The following NRXN3 variants were observed in gnomAD, a reference collection of about 807,000 sequenced individuals.
NRXN3 encodes the protein neurexin 3.
A neutral mutation model predicts 137.6 loss-of-function variants in NRXN3; 32 were observed. The ratio of observed to expected loss-of-function variants is 0.23; its 90% confidence interval spans 0.18 to 0.31. The LOEUF is 0.31. NRXN3 is among the 10% of genes least tolerant of loss of function. NRXN3 has a pLI of 1.00. For missense variants in NRXN3, 1,574 were observed against 2,062.5 expected, an observed-to-expected ratio of 0.76 and a Z score of 4.59; for synonymous variants, 798 against 784.5, an observed-to-expected ratio of 1.02 and a Z score of -0.29.
chr14:78,555,760 A>G (rs2096731589), intron 4 of NRXN3, among the ~76,000 whole-genome samples: 1 of 152,250 alleles, frequency 6.6e-6, no homozygotes, highest in Non-Finnish European at 1.5e-5. Context: ...TGGCAGTGGA[A>G]TATTATTGAT....
chr14:79,794,009 C>T (rs950438837), intron 19 of NRXN3, among the ~76,000 whole-genome samples: 5 of 152,150 alleles, frequency 3.3e-5, no homozygotes, highest in African/African-American at 9.7e-5. Flanking sequence ...TTCAGCCTAC[C>T]GATGCATCAG....
In NRXN3 at chr14:79,651,730, G is replaced by C. The variant is rs537262974; in HGVS notation, c.3445-12048G>C. ...CCTGTGCACACTGGCCAGGAAAGCTGGACCTTCTGCAGAGAAAACTGTCTT... is the reference window on the plus strand; with the variant it reads ...CCTGTGCACACTGGCCAGGAAAGCTCGACCTTCTGCAGAGAAAACTGTCTT... On this transcript the variant is annotated intron_variant, in intron 16 of 20. Coordinates refer to ENST00000335750, the MANE Select transcript of NRXN3 (RefSeq NM_001330195.2). Among the ~76,000 whole-genome samples the C allele has an allele frequency of 1.9e-4, 29 of 152,272 alleles. 1 individual carries two copies. In the South Asian group the frequency reaches 6.0e-3, roughly 32 times the overall value.
At chr14:79,257,435 GGTGGTGGTA>G (rs1568818147) in intron 15 of NRXN3, among the ~76,000 whole-genome samples, 7 of 78,120 alleles carry the variant, frequency 9.0e-5, no homozygotes, top group South Asian at 5.0e-4. Context: ...TGGTGGTGGT[GGTGGTGGTA>G]GTGATGGTGG....
At chr14:79,347,914 G>T (rs1294343982) in intron 15 of NRXN3, among the ~76,000 whole-genome samples, 4 of 152,178 alleles carry the variant, frequency 2.6e-5, no homozygotes, top group Non-Finnish European at 4.4e-5. Flanking sequence ...AGAGCGAAGT[G>T]ACGATGACAT....
At chr14:78,771,225 C>T (rs1252182353) in intron 8 of NRXN3, among the ~76,000 whole-genome samples, 1 of 152,152 alleles carries the variant, frequency 6.6e-6, no homozygotes, top group East Asian at 1.9e-4. Flanking sequence ...TGTGAGACAG[C>T]TATTGGGAGG....
chr14:78,218,060 T>A (rs561639431), intron 1 of NRXN3, among the ~76,000 whole-genome samples: 69 of 152,388 alleles, frequency 4.5e-4, no homozygotes, highest in African/African-American at 1.5e-3. Flanking sequence ...TCCATGTTCA[T>A]ATATGTATGT....
intron 16 of NRXN3, among the ~76,000 whole-genome samples, chr14:79,565,275 G>GCACACATGTGTA (rs1567519907): frequency 3.3e-5 from 3 of 89,764 alleles, no homozygotes; most frequent in Non-Finnish European, 6.7e-5. Context: ...ATGTGTGTGT[G>GCACACATGTGTA]TATACATATA....
chr14:79,638,710 A>G (rs2098417987), intron 16 of NRXN3, among the ~76,000 whole-genome samples: 1 of 152,180 alleles, frequency 6.6e-6, no homozygotes, highest in African/African-American at 2.4e-5. Flanking sequence ...TCTTAAAATC[A>G]CTGTTGTGCA....
chr14:79,174,452 T>A (rs1394979102), intron 15 of NRXN3, among the ~76,000 whole-genome samples: 7 of 150,532 alleles, frequency 4.7e-5, no homozygotes, highest in East Asian at 2.0e-4. Flanking sequence ...TTGTTACAGC[T>A]TTTTTTTAAA....
intron 4 of NRXN3, among the ~76,000 whole-genome samples, chr14:78,518,588 G>C (rs979437899): frequency 2.6e-5 from 4 of 152,144 alleles, no homozygotes; most frequent in African/African-American, 9.7e-5. Flanking sequence ...GATTTAAGCT[G>C]TTCCTGGGTA....
intron 16 of NRXN3, among the ~76,000 whole-genome samples, chr14:79,493,199 G>A (rs571495330): frequency 1.4e-4 from 22 of 152,306 alleles, no homozygotes; most frequent in Middle Eastern, 6.8e-3. Context: ...CACACAAAAC[G>A]TTAATTGCTT....
intron 15 of NRXN3, among the ~76,000 whole-genome samples, chr14:79,434,862 A>G (rs1281695412): frequency 6.6e-6 from 1 of 152,178 alleles, no homozygotes; most frequent in East Asian, 1.9e-4. Context: ...AATTGCATAA[A>G]CGGATCTGAG....
intron 15 of NRXN3, among the ~76,000 whole-genome samples, chr14:79,438,999 G>T (rs1401354791): frequency 6.6e-6 from 1 of 152,234 alleles, no homozygotes; most frequent in Non-Finnish European, 1.5e-5. Flanking sequence ...ATTGAAACAA[G>T]ATTTTGAAGT....
At chr14:79,453,945 A>G (rs553069763) in intron 15 of NRXN3, among the ~76,000 whole-genome samples, 10 of 152,200 alleles carry the variant, frequency 6.6e-5, no homozygotes, top group South Asian at 2.1e-4. Context: ...CTAAATCCCC[A>G]TGGTCACACA....
rs75520562 is a variant in NRXN3 at position 79,097,013 on chromosome 14, A to ATTT, written c.3262+108886_3262+108888dup. Reference sequence around the variant, plus strand: ...CCAAGGTGGAATCCTGGCCAAAATGATTTTTTTTTTTTTTTTACTTTCTGC... The same window carrying ATTT: ...CCAAGGTGGAATCCTGGCCAAAATGATTTTTTTTTTTTTTTTTTTACTTTCTGC... On this transcript the variant is annotated intron_variant, in intron 15 of 20. Transcript: ENST00000335750. 7.4e-3 allele frequency among the ~76,000 whole-genome samples: 1,058 copies of ATTT among 143,422 alleles called. 7 individuals are homozygous for ATTT. Among genetic ancestry groups the ATTT allele is most frequent in the Non-Finnish European group, 0.012 (754 of 65,548 alleles). The allele number at this position is 143,422 out of a possible 152,430, so 94.1% of individuals were successfully genotyped here.
intron 4 of NRXN3, among the ~76,000 whole-genome samples, chr14:78,456,289 A>G (rs2094698637): frequency 6.6e-6 from 1 of 152,226 alleles, no homozygotes; most frequent in East Asian, 1.9e-4. Flanking sequence ...AAGTACAAAA[A>G]GCGGCTCAGG....
At chr14:79,750,029 C>T (rs564997885) in intron 19 of NRXN3, among the ~76,000 whole-genome samples, 20 of 152,254 alleles carry the variant, frequency 1.3e-4, no homozygotes, top group Admixed American at 5.9e-4. Flanking sequence ...TCTGATTTTA[C>T]GCTTTTCAGT....
chr14:79,209,934 C>T (rs531560989), intron 15 of NRXN3, among the ~76,000 whole-genome samples: 17 of 152,244 alleles, frequency 1.1e-4, no homozygotes, highest in Admixed American at 7.2e-4. Context: ...GGTACTCAAC[C>T]TTGTAGATGA....
At chr14:79,678,203 A>C (rs2154007793) in intron 17 of NRXN3, among the ~76,000 whole-genome samples, 1 of 152,264 alleles carries the variant, frequency 6.6e-6, no homozygotes, top group South Asian at 2.1e-4. Flanking sequence ...TAAAGGGACC[A>C]AGAGTTTGAG....
Sources: gnomAD v4.1 joint callset for allele counts (sites outside exome capture counted in the v4.1 genomes callset) on GRCh38, gnomAD v4.1.1 for gene constraint, MANE v1.5 for transcripts, NCBI Gene and HGNC (gene_info 2026-07-23, HGNC 2026-07-21) for gene names.